TOM1L1: variants seen among roughly 807,000 people sequenced by gnomAD.
TOM1L1 encodes the protein target of myb1 like 1 membrane trafficking protein.
A neutral mutation model predicts 63.4 loss-of-function variants in TOM1L1; 64 were observed. The ratio of observed to expected loss-of-function variants is 1.01; its 90% CI spans 0.83 to 1.24. The LOEUF (loss-of-function observed/expected upper bound fraction) is 1.24, where lower values mean the gene tolerates loss of function less well. TOM1L1 is among the 50% of genes most tolerant of loss of function. The probability of loss-of-function intolerance (pLI) is 0.00; values close to 1 mark genes in which losing one functional copy is unlikely to be tolerated. For missense variants in TOM1L1, 536 were observed against 567.0 expected, an observed-to-expected ratio of 0.95 and a Z score of 0.55; for synonymous variants, 166 against 194.4, an observed-to-expected ratio of 0.85 and a Z score of 1.22.
intron 3 of TOM1L1, among the ~76,000 whole-genome samples, chr17:54,908,196 A>G (rs1275781242): frequency 6.6e-6 from 1 of 152,210 alleles, no homozygotes; most frequent in African/African-American, 2.4e-5. Context: ...GTCAGAATAC[A>G]CCTTCATCCT....
intron 3 of TOM1L1, among the ~76,000 whole-genome samples, chr17:54,911,746 G>A (rs560100026): frequency 1.5e-4 from 23 of 152,194 alleles, no homozygotes; most frequent in Admixed American, 5.2e-4. Flanking sequence ...ATCATTCCAG[G>A]TTTCTTCTCC....
Position 54,961,237 on chromosome 17 carries a change from GA to G in TOM1L1, c.*7del, listed in dbSNP as rs1567853263. 6.5e-7 allele frequency: 1 copy of G among 1,532,538 alleles called. No homozygotes were observed. The highest frequency in any genetic ancestry group is 8.9e-7 in the Non-Finnish European group (1 of 1,129,512). The allele number at this position is 1,532,538 out of a possible 1,614,324, so 94.9% of individuals were successfully genotyped here. On this transcript the variant is annotated 3_prime_UTR_variant, in exon 16 of 16. Transcript: ENST00000575882. ...CCATTTTCTTCTCTTTATTTTAGAAGAAAGTGGATGATCAGCTCACTACCAC... is the reference window on the plus strand; with the variant it reads ...CCATTTTCTTCTCTTTATTTTAGAAGAAGTGGATGATCAGCTCACTACCAC...
intron 8 of TOM1L1, among the ~76,000 whole-genome samples, chr17:54,931,126 AGTGACCGTATTT>A (rs72145356): frequency 0.059 from 9,002 of 152,270 alleles, 851 homozygotes; most frequent in African/African-American, 0.2. Context: ...CTACTTGCAC[AGTGACCGTATTT>A]CTAATCAGCT....
At chr17:54,919,588 G>A (rs998239383) in intron 7 of TOM1L1, among the ~76,000 whole-genome samples, 1 of 152,312 alleles carries the variant, frequency 6.6e-6, no homozygotes, top group East Asian at 1.9e-4. Context: ...GCTCAGGGCT[G>A]TGTTTTGCCT....
At chr17:54,920,536 G>A (rs1567826241) in intron 7 of TOM1L1, among the ~76,000 whole-genome samples, 1 of 152,190 alleles carries the variant, frequency 6.6e-6, no homozygotes, top group African/African-American at 2.4e-5. Flanking sequence ...AAGCAGGTGG[G>A]ATCAGACCAG....
intron 10 of TOM1L1, 196 bp downstream of exon 10, chr17:54,937,422 A>G (rs1172541124): frequency 1.8e-6 from 1 of 559,458 alleles, no homozygotes; most frequent in Non-Finnish European, 3.2e-6. Flanking sequence ...TGTCTGGGCG[A>G]GGAGGTCCTT....
At chr17:54,936,892 TTAATG>T (rs947932979) in intron 9 of TOM1L1, among the ~76,000 whole-genome samples, 183 bp downstream of exon 9, 3 of 152,036 alleles carry the variant, frequency 2.0e-5, no homozygotes, top group Admixed American at 6.5e-5. Context: ...TGTTAAACTG[TTAATG>T]TAATGTAAAG....
At chr17:54,949,786 A>G (rs141150348) in intron 13 of TOM1L1, among the ~76,000 whole-genome samples, 163 bp downstream of exon 13, 2 of 152,366 alleles carry the variant, frequency 1.3e-5, no homozygotes, top group African/African-American at 2.4e-5. Context: ...TGACTGACTT[A>G]TAAGAGACTG....
At position 54,946,314 on chromosome 17, in the gene TOM1L1, T is replaced by TGGTA. The variant is rs138639574; in HGVS notation, c.1131-946_1131-943dup. ...GAGTCCTCCATCATCGTGATTTATC[T>TGGTA]GGTACTTTCTAGTTTCCTGGGACTC... On this transcript the variant is annotated intron_variant, in intron 11 of 15. Coordinates refer to ENST00000575882, the MANE Select transcript of TOM1L1 (RefSeq NM_005486.3). Among the ~76,000 whole-genome samples the TGGTA allele has an allele frequency of 1.7e-3, 258 of 152,318 alleles. 1 individual carries two copies. Among genetic ancestry groups the TGGTA allele is most frequent in the African/African-American group, 5.9e-3 (245 of 41,570 alleles).
At chr17:54,924,911 C>T (rs563315968) in intron 7 of TOM1L1, among the ~76,000 whole-genome samples, 1 of 152,292 alleles carries the variant, frequency 6.6e-6, no homozygotes, top group Non-Finnish European at 1.5e-5. Flanking sequence ...CACGCCTTCT[C>T]CAATGGTTTT....
chr17:54,921,462 C>T lies in TOM1L1; in HGVS notation c.720+5600C>T, dbSNP rs185124116. 5.9e-4 allele frequency among the ~76,000 whole-genome samples: 90 copies of T among 152,142 alleles called. 1 individual carries two copies. Among genetic ancestry groups the T allele is most frequent in the African/African-American group, 2.1e-3 (86 of 41,496 alleles). ...GTGGCATTTATATACATTCAGGGCC[C>T]GGCGTGGTGGCTCACATCTGTAATC... On this transcript the variant is annotated intron_variant, in intron 7 of 15. Coordinates refer to ENST00000575882, the MANE Select transcript of TOM1L1 (RefSeq NM_005486.3).
chr17:54,917,806 A>G (rs2143796807), intron 7 of TOM1L1, among the ~76,000 whole-genome samples: 1 of 152,248 alleles, frequency 6.6e-6, no homozygotes, highest in Admixed American at 6.5e-5. Context: ...ATATTTTCAG[A>G]GTATGGTATA....
rs750190327 is a variant in TOM1L1, at chr17:54,912,810, AT to A, written c.369del (p.Lys124ArgfsTer13). ...LDIQNRILNF[I>X]KTWSQGFPGG... ...CATTCAGAATAGAATCTTGAATTTC[AT>A]TAAGGTAAGTCTGTTGTATACCTCA... On this transcript the variant is annotated frameshift_variant, in exon 4 of 16. Transcript: ENST00000575882. LOFTEE classifies it high-confidence loss of function. 4.4e-6 allele frequency: 7 copies of A among 1,603,362 alleles called. No homozygotes were observed. Among genetic ancestry groups the A allele is most frequent in the Non-Finnish European group, 5.9e-6 (7 of 1,176,914 alleles).
At chr17:54,935,798 T>C (rs1214969763) in intron 8 of TOM1L1, among the ~76,000 whole-genome samples, 1 of 152,176 alleles carries the variant, frequency 6.6e-6, no homozygotes, top group African/African-American at 2.4e-5. Context: ...AGAAGGTCAA[T>C]TTTTTGGTAT....
At chr17:54,928,294 A>G (rs370966019) in intron 7 of TOM1L1, among the ~76,000 whole-genome samples, 3 of 152,152 alleles carry the variant, frequency 2.0e-5, no homozygotes, top group African/African-American at 7.2e-5. Flanking sequence ...TGGGGTTTCA[A>G]TGGCACCATT....
chr17:54,908,708 C>T (rs545958049), intron 3 of TOM1L1, among the ~76,000 whole-genome samples: 3 of 152,088 alleles, frequency 2.0e-5, no homozygotes, highest in Non-Finnish European at 2.9e-5. Context: ...AATTTTGTTA[C>T]CAGGCTTTAT....
chr17:54,909,832 G>A (rs906751409), intron 3 of TOM1L1, among the ~76,000 whole-genome samples: 1 of 152,080 alleles, frequency 6.6e-6, no homozygotes, highest in Non-Finnish European at 1.5e-5. Flanking sequence ...GTCTTATTTC[G>A]AAAGATGGGT....
At chr17:54,926,531 G>A (rs1057004754) in intron 7 of TOM1L1, among the ~76,000 whole-genome samples, 1 of 152,024 alleles carries the variant, frequency 6.6e-6, no homozygotes, top group Non-Finnish European at 1.5e-5. Flanking sequence ...TTAGAATAAA[G>A]GGAGCTCAGA....
intron 14 of TOM1L1, chr17:54,953,344 G>T (rs1429357238): frequency 6.6e-6 from 1 of 152,394 alleles, no homozygotes; most frequent in African/African-American, 2.4e-5. Flanking sequence ...ACTCCAGCCT[G>T]GGTAACACAG....
Sources: gnomAD v4.1 joint callset for allele counts (sites outside exome capture counted in the v4.1 genomes callset) on GRCh38, gnomAD v4.1.1 for gene constraint, MANE v1.5 for transcripts, NCBI Gene and HGNC (gene_info 2026-07-23, HGNC 2026-07-21) for gene names.